PTPRE: variants seen among roughly 807,000 people sequenced by gnomAD.
The protein encoded by PTPRE is protein tyrosine phosphatase receptor type E.
A neutral mutation model predicts 102.0 loss-of-function variants in PTPRE; 51 were observed. That is an observed-to-expected ratio of 0.50 (90% CI 0.40 to 0.63). The LOEUF is 0.63. Ranked by LOEUF, PTPRE falls within the 30% of genes least tolerant of loss-of-function variation. The pLI is 0.00. For synonymous variants in PTPRE, 345 were observed against 348.2 expected (o/e 0.99, Z 0.10); for missense variants, 752 against 915.1 (o/e 0.82, Z 2.30).
rs144238897 is a variant in PTPRE, at chr10:127,933,056, C to T, written c.-31+25747C>T. Among the ~76,000 whole-genome samples the T allele has an allele frequency of 3.4e-3, 514 of 152,304 alleles. 2 individuals carry two copies. The highest frequency in any genetic ancestry group is 0.012 in the African/African-American group (488 of 41,564). ...TCATCTCTCTGGCTCTCCTGCTCCT[C>T]GTCTGCCTTTAAGGGCTCATGTGGT... On this transcript the variant is annotated intron_variant, in intron 1 of 20. Transcript: ENST00000254667.
At chr10:127,980,059 A>G (rs894725250) in intron 1 of PTPRE, among the ~76,000 whole-genome samples, 1 of 152,012 alleles carries the variant, frequency 6.6e-6, no homozygotes, top group Non-Finnish European at 1.5e-5. Flanking sequence ...GAAAGGATGG[A>G]CTCTTGTAAT....
chr10:127,964,440 G>A (rs1168644321), intron 1 of PTPRE, among the ~76,000 whole-genome samples: 1 of 152,112 alleles, frequency 6.6e-6, no homozygotes, highest in African/African-American at 2.4e-5. Flanking sequence ...CAAAGTGCTG[G>A]GATTACAGGC....
rs1845540917 is a variant in PTPRE at position 127,907,307 on chromosome 10, G to A, written c.-33G>A. On this transcript the variant is annotated splice_region_variant and 5_prime_UTR_variant, in exon 1 of 21. Coordinates refer to ENST00000254667, the MANE Select transcript of PTPRE (RefSeq NM_006504.6). The surrounding 1 kb of genome is among the most constrained non-coding windows in gnomAD (Gnocchi z 4.8). ...TCTGCGCGACCAGACCGGCCCCCCC[G>A]AGGTGAGCGCGCGTGCGGACAGGGA... 3 of 984,666 alleles carry A rather than the reference G, an allele frequency of 3.0e-6. No individual in the cohort carries two copies. The highest frequency in any genetic ancestry group is 4.7e-5 in the South Asian group (1 of 21,284). 61.0% of individuals were successfully genotyped at this position (984,666 alleles called of 1,614,324 possible).
intron 2 of PTPRE, among the ~76,000 whole-genome samples, chr10:128,037,143 G>A (rs1847286143): frequency 6.6e-6 from 1 of 152,206 alleles, no homozygotes. Flanking sequence ...GATTGTTAAT[G>A]GAAAATGAGC....
At chr10:128,037,877 C>T (rs1040230151) in intron 2 of PTPRE, among the ~76,000 whole-genome samples, 2 of 151,886 alleles carry the variant, frequency 1.3e-5, no homozygotes, top group African/African-American at 2.4e-5. Context: ...CTACAAGCTC[C>T]GCCTCCTGGG....
At chr10:127,979,810 G>A (rs116166660) in intron 1 of PTPRE, among the ~76,000 whole-genome samples, 1 of 152,152 alleles carries the variant, frequency 6.6e-6, no homozygotes, top group Admixed American at 6.5e-5. Context: ...GTTTTAGTCT[G>A]GTTTGACTCA....
Position 128,077,477 on chromosome 10 carries a change from G to T in PTPRE, c.1726-140G>T, listed in dbSNP as rs1437381970. 3.6e-6 allele frequency: 4 copies of T among 1,110,690 alleles called. No homozygotes were observed. In the East Asian group the frequency reaches 1.1e-4, roughly 29 times the overall value. 68.8% of individuals were successfully genotyped at this position (1,110,690 alleles called of 1,614,324 possible). ...AAGCAGGTTTCAGCCTTCTCCTTCA[G>T]GCTGCCTCGGTGGGGATGTTGGCAG... is the stretch of plus-strand genomic sequence containing the variant. On this transcript the variant is annotated intron_variant, in intron 18 of 20. Transcript: ENST00000254667.
At chr10:127,915,734 T>C (rs1477030140) in intron 1 of PTPRE, among the ~76,000 whole-genome samples, 5 of 150,434 alleles carry the variant, frequency 3.3e-5, no homozygotes, top group Admixed American at 2.0e-4. Flanking sequence ...ATGTAAATAG[T>C]GTTTAAGAGT....
chr10:128,070,060 C>A lies in PTPRE; in HGVS notation c.1143+233C>A. The A allele has an allele frequency of 1.4e-6, 1 of 699,896 alleles. No individual in the cohort carries two copies. The highest frequency in any genetic ancestry group is 2.4e-6 in the Non-Finnish European group (1 of 425,094). The allele number at this position is 699,896 out of a possible 1,614,324, so 43.4% of individuals were successfully genotyped here. On this transcript the variant is annotated intron_variant, in intron 13 of 20. Coordinates refer to ENST00000254667, the MANE Select transcript of PTPRE (RefSeq NM_006504.6). This position sits in a 1 kb window ranked among gnomAD's most constrained non-coding sequence, Gnocchi z 4.8. The stretch of plus-strand genomic sequence containing the variant: ...GATGGGGCAATCCTACTCCCCCAAA[C>A]GGTGCATGTACACAGTGCGTGGCGT...
chr10:128,068,218 GC>G lies in PTPRE; in HGVS notation c.940del (p.Leu314Ter). The G allele has an allele frequency of 1.2e-6, 2 of 1,614,186 alleles. No homozygotes were observed. Among genetic ancestry groups the G allele is most frequent in the Non-Finnish European group, 1.7e-6 (2 of 1,180,014 alleles). On this transcript the variant is annotated frameshift_variant, in exon 12 of 21. Coordinates refer to ENST00000254667, the MANE Select transcript of PTPRE (RefSeq NM_006504.6). LOFTEE classifies it high-confidence loss of function. ...FGVPFTPIGM[L>X]KFLKKVKTLN... ...GAGTGCCTTTTACCCCCATTGGGAT[GC>G]TGAAGTTCCTCAAGAAAGTAAAGAC...
chr10:127,919,084 C>A (rs915772245), intron 1 of PTPRE, among the ~76,000 whole-genome samples: 2 of 152,154 alleles, frequency 1.3e-5, no homozygotes, highest in Non-Finnish European at 2.9e-5. Context: ...ACCCAGGTAC[C>A]ATTCTGTGCT....
Position 127,944,708 on chromosome 10 carries a change from A to G in PTPRE, c.-31+37399A>G, listed in dbSNP as rs1848508570. Among the ~76,000 whole-genome samples, 1 of 152,208 alleles carries G rather than the reference A, an allele frequency of 6.6e-6. No individual in the cohort carries two copies. Among genetic ancestry groups the G allele is most frequent in the East Asian group, 1.9e-4 (1 of 5,204 alleles). On this transcript the variant is annotated intron_variant, in intron 1 of 20. Transcript: ENST00000254667. The surrounding 1 kb of genome is among the most constrained non-coding windows in gnomAD (Gnocchi z 4.2). ...TGACAAATGGAACTGTGTATTTGAA[A>G]GATCTCTGTGGCTCCACGTGGATAG...
chr10:127,948,603 A>G (rs1848796408), intron 1 of PTPRE, among the ~76,000 whole-genome samples: 1 of 152,308 alleles, frequency 6.6e-6, no homozygotes, highest in African/African-American at 2.4e-5. Context: ...TTGGAATCAT[A>G]TAATATGTAG....
At chr10:127,958,080 G>T (rs1034220284) in intron 1 of PTPRE, among the ~76,000 whole-genome samples, 87 of 152,174 alleles carry the variant, frequency 5.7e-4, no homozygotes, top group African/African-American at 2.0e-3. Context: ...GTTCCAGGAG[G>T]TTTTTTTGTT....
chr10:128,061,675 C>T lies in PTPRE; in HGVS notation c.589-4C>T. ...AAATATAAATCTGATGTTATTTTTTCTAGGGTTACAAAGAGAAGAATAAAT... is the reference window on the plus strand; with the variant it reads ...AAATATAAATCTGATGTTATTTTTTTTAGGGTTACAAAGAGAAGAATAAAT... On this transcript the variant is annotated splice_region_variant and splice_polypyrimidine_tract_variant and intron_variant, in intron 8 of 20. Coordinates refer to ENST00000254667, the MANE Select transcript of PTPRE (RefSeq NM_006504.6). 1 of 1,578,920 alleles carries T rather than the reference C, an allele frequency of 6.3e-7. No individual in the cohort carries two copies. The highest frequency in any genetic ancestry group is 1.4e-5 in the African/African-American group (1 of 73,196).
At chr10:127,945,527 A>T (rs1176376262) in intron 1 of PTPRE, among the ~76,000 whole-genome samples, 1 of 152,236 alleles carries the variant, frequency 6.6e-6, no homozygotes, top group Non-Finnish European at 1.5e-5. Context: ...AAGCTGATGT[A>T]TGGAGCGTGT....
chr10:128,030,329 C>T (rs1846639834), intron 2 of PTPRE, among the ~76,000 whole-genome samples: 1 of 152,160 alleles, frequency 6.6e-6, no homozygotes, highest in African/African-American at 2.4e-5. Context: ...TTGTTTCACT[C>T]ATTGGGAAGC....
chr10:128,000,836 A>C (rs1853804840), intron 2 of PTPRE, among the ~76,000 whole-genome samples: 1 of 152,114 alleles, frequency 6.6e-6, no homozygotes, highest in African/African-American at 2.4e-5. Flanking sequence ...ACCAAGCCTC[A>C]CTCACTTGGG....
At chr10:128,072,886 G>C (rs1850905405) in intron 16 of PTPRE, among the ~76,000 whole-genome samples, 1 of 152,218 alleles carries the variant, frequency 6.6e-6, no homozygotes, top group Non-Finnish European at 1.5e-5. Flanking sequence ...AGGGCACACA[G>C]AGGCTGTCTT....
Sources: gnomAD v4.1 joint callset for allele counts (sites outside exome capture counted in the v4.1 genomes callset) on GRCh38, gnomAD v4.1.1 for gene constraint, Gnocchi (gnomAD v3.1) non-coding constraint, MANE v1.5 for transcripts, NCBI Gene and HGNC (gene_info 2026-07-23, HGNC 2026-07-21) for gene names.